The following SEMA5A variants were observed in gnomAD, a reference collection of about 807,000 sequenced individuals.
SEMA5A encodes the protein semaphorin-5A.
SEMA5A carries 55 observed loss-of-function variants against 135.5 expected under a neutral mutation model. The observed-to-expected ratio is 0.41, with a 90% CI of 0.33 to 0.51. The LOEUF (loss-of-function observed/expected upper bound fraction) is 0.51. Ranked by LOEUF, SEMA5A falls within the 20% of genes least tolerant of loss-of-function variation. The pLI is 0.37. For synonymous variants in SEMA5A, 580 were observed against 546.5 expected, an observed-to-expected ratio of 1.06 and a Z score of -0.85; for missense variants, 1,290 against 1,419.9, an observed-to-expected ratio of 0.91 and a Z score of 1.47.
At chr5:9,186,973 A>T (rs189349635) in intron 11 of SEMA5A, among the ~76,000 whole-genome samples, 1 of 152,162 alleles carries the variant, frequency 6.6e-6, no homozygotes, top group Non-Finnish European at 1.5e-5. Context: ...TCCCGCTTCT[A>T]TATCAGTTTT....
intron 5 of SEMA5A, chr5:9,265,412 A>G (rs746576595): frequency 3.3e-5 from 15 of 456,032 alleles, no homozygotes; most frequent in Middle Eastern, 3.2e-4. Flanking sequence ...CCATCCTTCT[A>G]TGGAAACCAC....
At chr5:9,243,133 G>A (rs1748296064) in intron 5 of SEMA5A, among the ~76,000 whole-genome samples, 1 of 152,156 alleles carries the variant, frequency 6.6e-6, no homozygotes, top group South Asian at 2.1e-4. Context: ...CACAAACCAG[G>A]TGGCTTTAAG....
chr5:9,435,256 T>TA (rs1377178218), intron 2 of SEMA5A, among the ~76,000 whole-genome samples: 1 of 152,148 alleles, frequency 6.6e-6, no homozygotes, highest in Non-Finnish European at 1.5e-5. Context: ...GCAGTATGTA[T>TA]AAGGGTGCAA....
At chr5:9,365,709 G>A (rs1754887646) in intron 3 of SEMA5A, among the ~76,000 whole-genome samples, 1 of 152,030 alleles carries the variant, frequency 6.6e-6, no homozygotes, top group African/African-American at 2.4e-5. Flanking sequence ...AAATAGCTCT[G>A]GCCATTCATA....
intron 8 of SEMA5A, among the ~76,000 whole-genome samples, chr5:9,205,630 G>A (rs977897762): frequency 3.3e-5 from 5 of 152,026 alleles, no homozygotes; most frequent in African/African-American, 7.2e-5. Flanking sequence ...AGATCACAAC[G>A]TCCATTTTAG....
intron 1 of SEMA5A, among the ~76,000 whole-genome samples, chr5:9,441,252 A>G (rs1758221719): frequency 6.6e-6 from 1 of 152,252 alleles, no homozygotes; most frequent in South Asian, 2.1e-4. Flanking sequence ...ACTTATGGGC[A>G]GAAGAGTCAA....
chr5:9,052,834 T>G (rs1736664245), intron 19 of SEMA5A, among the ~76,000 whole-genome samples: 1 of 152,148 alleles, frequency 6.6e-6, no homozygotes, highest in South Asian at 2.1e-4. Flanking sequence ...CTGGATATTG[T>G]TTATGGAATT....
chr5:9,308,920 T>C (rs1252458953), intron 5 of SEMA5A, among the ~76,000 whole-genome samples: 3 of 152,192 alleles, frequency 2.0e-5, no homozygotes, highest in Admixed American at 2.0e-4. Flanking sequence ...CCTGCTATTA[T>C]TTTTGTTGCT....
Position 9,052,739 on chromosome 5 carries a change from G to A in SEMA5A, c.2690-711C>T, listed in dbSNP as rs182897674. On this transcript the variant is annotated intron_variant, in intron 19 of 22. Coordinates refer to ENST00000382496, the MANE Select transcript of SEMA5A (RefSeq NM_003966.3). ...CCCGAAGTGGAAGATTTACTAGGATGTGTGAAATTCACCCAGGCATACAGA... is the reference window on the plus strand; with the variant it reads ...CCCGAAGTGGAAGATTTACTAGGATATGTGAAATTCACCCAGGCATACAGA... Among the ~76,000 whole-genome samples, 295 of 152,052 alleles carry A rather than the reference G, an allele frequency of 1.9e-3. 1 individual carries two copies. The highest frequency in any genetic ancestry group is 6.8e-3 in the African/African-American group (280 of 41,468).
rs566318578 is a variant in SEMA5A at position 9,244,952 on chromosome 5, T to C, written c.271-7062A>G. 2.1e-4 allele frequency among the ~76,000 whole-genome samples: 32 copies of C among 152,240 alleles called. No individual in the cohort carries two copies. The South Asian group carries it at 4.8e-3, about 23-fold the overall frequency. ...AGAAAGGGAAGGATCAGAACAAAGA[T>C]TTTACTACTTTTTCAGCAGTAGACA... On this transcript the variant is annotated intron_variant, in intron 5 of 22. Coordinates refer to ENST00000382496, the MANE Select transcript of SEMA5A (RefSeq NM_003966.3).
intron 2 of SEMA5A, among the ~76,000 whole-genome samples, chr5:9,431,260 TA>T (rs892954244): frequency 2.0e-5 from 3 of 151,980 alleles, no homozygotes; most frequent in African/African-American, 2.4e-5. Flanking sequence ...TTATATGTAC[TA>T]AAAAAAATCT....
chr5:9,256,310 G>C (rs111582131), intron 5 of SEMA5A, among the ~76,000 whole-genome samples: 31 of 152,162 alleles, frequency 2.0e-4, no homozygotes, highest in African/African-American at 7.5e-4. Context: ...CTCTGACCCC[G>C]TGTGTCACCA....
At position 9,119,147 on chromosome 5, in the gene SEMA5A, G is replaced by C; in HGVS notation, c.1782-6C>G. On this transcript the variant is annotated splice_polypyrimidine_tract_variant and splice_region_variant and intron_variant, in intron 14 of 22. Coordinates refer to ENST00000382496, the MANE Select transcript of SEMA5A (RefSeq NM_003966.3). ...AGGGAGTCCAGCCTCCGTTCCTGAG[G>C]GAAGGGAAGCAATGCAATCATTAGG... is the stretch of plus-strand genomic sequence containing the variant. 2 of 1,612,954 alleles carry C rather than the reference G, an allele frequency of 1.2e-6. No homozygotes were observed. The highest frequency in any genetic ancestry group is 1.7e-6 in the Non-Finnish European group (2 of 1,179,636).
rs768075122 is a variant in SEMA5A, at chr5:9,379,970, T to G, written c.-24A>C. 1.3e-6 allele frequency: 2 copies of G among 1,596,970 alleles called. No individual in the cohort carries two copies. The highest frequency in any genetic ancestry group is 1.7e-6 in the Non-Finnish European group (2 of 1,170,610). ...ATGGTGGGCAAGGGGCCTCTGACTC[T>G]GGGCACGTGTCTTCTAAACAGAAGC... On this transcript the variant is annotated 5_prime_UTR_variant, in exon 3 of 23. Coordinates refer to ENST00000382496, the MANE Select transcript of SEMA5A (RefSeq NM_003966.3).
intron 11 of SEMA5A, among the ~76,000 whole-genome samples, chr5:9,177,903 A>G (rs911174532): frequency 6.6e-6 from 1 of 152,256 alleles, no homozygotes; most frequent in Non-Finnish European, 1.5e-5. Context: ...TAATTTTTAC[A>G]TATTTGTCAG....
At chr5:9,526,809 A>G (rs463029) in intron 1 of SEMA5A, among the ~76,000 whole-genome samples, 51,907 of 152,092 alleles carry the variant, frequency 0.34, 9,054 homozygotes, top group East Asian at 0.41. Flanking sequence ...AAGAACTGGG[A>G]AAGCTACCCA....
At chr5:9,168,310 C>T (rs962996857) in intron 11 of SEMA5A, among the ~76,000 whole-genome samples, 2 of 152,148 alleles carry the variant, frequency 1.3e-5, no homozygotes, top group Non-Finnish European at 2.9e-5. Flanking sequence ...CATTAACAAA[C>T]ATTCTAGGTG....
At chr5:9,541,734 A>T (rs191132033) in intron 1 of SEMA5A, among the ~76,000 whole-genome samples, 190 of 152,328 alleles carry the variant, frequency 1.2e-3, no homozygotes, top group African/African-American at 4.3e-3. Context: ...TTCCTTTGGG[A>T]AATTTTTCTG....
intron 1 of SEMA5A, among the ~76,000 whole-genome samples, chr5:9,493,200 A>G: frequency 6.6e-6 from 1 of 151,568 alleles, no homozygotes; most frequent in South Asian, 2.1e-4. Flanking sequence ...CTAACAGTTC[A>G]TAAATATATA....
Sources: gnomAD v4.1 joint callset for allele counts (sites outside exome capture counted in the v4.1 genomes callset) on GRCh38, gnomAD v4.1.1 for gene constraint, MANE v1.5 for transcripts, NCBI Gene and HGNC (gene_info 2026-07-23, HGNC 2026-07-21) for gene names.